DNM2: variants seen among roughly 807,000 people sequenced by gnomAD.
The protein encoded by DNM2 is dynamin-2.
In DNM2, 15 loss-of-function variants were observed where a neutral mutation model predicts 99.0. The ratio of observed to expected loss-of-function variants is 0.15; its 90% CI spans 0.10 to 0.23. The LOEUF (loss-of-function observed/expected upper bound fraction) is 0.23. Ranked by LOEUF, DNM2 falls within the 10% of genes least tolerant of loss-of-function variation. DNM2 has a pLI of 1.00. For synonymous variants in DNM2, 525 were observed against 481.2 expected (o/e 1.09, Z -1.19); for missense variants, 742 against 1,189.4 (o/e 0.62, Z 5.53).
At chr19:10,771,119 C>T (rs557913676) in intron 2 of DNM2, among the ~76,000 whole-genome samples, 12 of 152,214 alleles carry the variant, frequency 7.9e-5, no homozygotes, top group Non-Finnish European at 1.6e-4. Flanking sequence ...AGCATCACTA[C>T]AGTAGCTGTG....
intron 18 of DNM2, among the ~76,000 whole-genome samples, chr19:10,825,514 C>T (rs2146189887): frequency 6.6e-6 from 1 of 152,016 alleles, no homozygotes; most frequent in East Asian, 1.9e-4. Flanking sequence ...ACTAAATATA[C>T]AAAAATTAGC....
chr19:10,799,917 A>T (rs1325619260), intron 11 of DNM2, among the ~76,000 whole-genome samples: 3 of 151,704 alleles, frequency 2.0e-5, no homozygotes, highest in African/African-American at 7.3e-5. Context: ...CCCTCAGCTG[A>T]GACTGTCACC....
At chr19:10,814,007 CAAAAATTA>C (rs2072645754) in intron 15 of DNM2, among the ~76,000 whole-genome samples, 1 of 151,898 alleles carries the variant, frequency 6.6e-6, no homozygotes, top group Admixed American at 6.6e-5. Flanking sequence ...ACTAAAAATG[CAAAAATTA>C]GCCAGGTGTG....
chr19:10,780,095 G>GA (rs2071312840), intron 5 of DNM2, among the ~76,000 whole-genome samples: 1 of 152,134 alleles, frequency 6.6e-6, no homozygotes. Flanking sequence ...CGATGTCTGA[G>GA]ATAGATGTGG....
At chr19:10,759,479 C>A (rs966652510) in intron 1 of DNM2, among the ~76,000 whole-genome samples, 1 of 152,068 alleles carries the variant, frequency 6.6e-6, no homozygotes, top group Non-Finnish European at 1.5e-5. Context: ...AATGGGCCCC[C>A]TGGGAGTACG....
chr19:10,724,652 A>C (rs1342514851), intron 1 of DNM2, among the ~76,000 whole-genome samples: 1 of 152,096 alleles, frequency 6.6e-6, no homozygotes, highest in Non-Finnish European at 1.5e-5. Context: ...GGGAGATATT[A>C]GGGTGGGACC....
intron 1 of DNM2, among the ~76,000 whole-genome samples, chr19:10,728,125 G>A (rs1397384991): frequency 6.6e-6 from 1 of 152,154 alleles, no homozygotes; most frequent in Admixed American, 6.6e-5. Flanking sequence ...GGCGTCACCC[G>A]TAGCTTGAAC....
chr19:10,806,038 C>T (rs571918002), intron 13 of DNM2, 71 bp downstream of exon 13: 35 of 1,596,780 alleles, frequency 2.2e-5, no homozygotes, highest in Middle Eastern at 1.7e-4. Flanking sequence ...GCTAAGCCCC[C>T]GTGATGGAGC....
At chr19:10,801,160 G>T (rs2072125556) in intron 11 of DNM2, among the ~76,000 whole-genome samples, 1 of 152,066 alleles carries the variant, frequency 6.6e-6, no homozygotes, top group South Asian at 2.1e-4. Flanking sequence ...CAAAAAATTA[G>T]CCAGGTGGTG....
Position 10,795,823 on chromosome 19 carries a change from C to T in DNM2, c.1196+384C>T. 1 of 636,844 alleles carries T rather than the reference C, an allele frequency of 1.6e-6. No individual in the cohort carries two copies. Among genetic ancestry groups the T allele is most frequent in the East Asian group, 2.8e-5 (1 of 35,638 alleles). The allele number at this position is 636,844 out of a possible 1,614,324, so 39.4% of individuals were successfully genotyped here. A position where few individuals can be genotyped will look rare whatever the true frequency, so the allele number is the denominator to read the frequency against. On this transcript the variant is annotated intron_variant, in intron 9 of 20. Coordinates refer to ENST00000389253, the MANE Select transcript of DNM2 (RefSeq NM_001005361.3). This position sits in a 1 kb window ranked among gnomAD's most constrained non-coding sequence, Gnocchi z 4.2. ...TCCCCATCATGGCTTCCTCGTGAGC[C>T]TCTTGGGTCCCCTCCTTATTCTAAC... is the stretch of plus-strand genomic sequence containing the variant.
rs373530994 is a variant in DNM2 at position 10,831,072 on chromosome 19, G to A, written c.*25G>A. The A allele has an allele frequency of 6.3e-6, 10 of 1,583,216 alleles. No individual in the cohort carries two copies. The African/African-American group carries it at 9.4e-5, about 15-fold the overall frequency. The stretch of plus-strand genomic sequence containing the variant: ...GGCCTCGAGGGGGGCGTGCTCTCGG[G>A]GGGGCCTCACGCACCCGCGGCGCAG... On this transcript the variant is annotated 3_prime_UTR_variant, in exon 21 of 21. Transcript: ENST00000389253. The surrounding 1 kb of genome is among the most constrained non-coding windows in gnomAD (Gnocchi z 4.3).
chr19:10,740,537 G>A (rs923241219), intron 1 of DNM2, among the ~76,000 whole-genome samples: 1 of 152,032 alleles, frequency 6.6e-6, no homozygotes, highest in African/African-American at 2.4e-5. Flanking sequence ...CACCATGCCT[G>A]GCTAATTTTT....
At chr19:10,779,508 T>TTTTTTC (rs1238505850) in intron 5 of DNM2, among the ~76,000 whole-genome samples, 72 of 122,212 alleles carry the variant, frequency 5.9e-4, no homozygotes, top group African/African-American at 2.2e-3. Flanking sequence ...CTTTCTTTTT[T>TTTTTTC]TTTTTTTTTT....
rs565246701 is a variant in DNM2 at position 10,817,608 on chromosome 19, G to T, written c.1672-2372G>T. 1 of 329,868 alleles carries T rather than the reference G, an allele frequency of 3.0e-6. No homozygotes were observed. The allele number at this position is 329,868 out of a possible 1,614,324, so 20.4% of individuals were successfully genotyped here. On this transcript the variant is annotated intron_variant, in intron 15 of 20. Coordinates refer to ENST00000389253, the MANE Select transcript of DNM2 (RefSeq NM_001005361.3). This position sits in a 1 kb window ranked among gnomAD's most constrained non-coding sequence, Gnocchi z 4.6. ...AGGAAACCACCACTCTTCCCGAGAC[G>T]ATCCGCTCTGTCCCTTCTGACGTGG...
chr19:10,729,951 A>G (rs1451889365), intron 1 of DNM2, among the ~76,000 whole-genome samples: 1 of 151,334 alleles, frequency 6.6e-6, no homozygotes, highest in African/African-American at 2.4e-5. Context: ...CAGCCTTGAC[A>G]TCCTGTGCTC....
intron 1 of DNM2, among the ~76,000 whole-genome samples, chr19:10,738,907 G>A (rs994019315): frequency 4.1e-5 from 6 of 145,848 alleles, no homozygotes; most frequent in South Asian, 2.2e-4. Flanking sequence ...AGTGACTCAC[G>A]CCTGTAATCC....
chr19:10,799,062 C>T (rs1233220882), intron 11 of DNM2, among the ~76,000 whole-genome samples: 1 of 152,128 alleles, frequency 6.6e-6, no homozygotes, highest in Non-Finnish European at 1.5e-5. Context: ...CTTGTCTCTA[C>T]GAAAACATAA....
rs575442531 is a variant in DNM2, at chr19:10,772,679, G to A, written c.385+51G>A. On this transcript the variant is annotated intron_variant, in intron 3 of 20. Transcript: ENST00000389253. This position sits in a 1 kb window ranked among gnomAD's most constrained non-coding sequence, Gnocchi z 4.9. Reference sequence around the variant, plus strand: ...CACTGACCGTTTCTGGTCGTTCATGGACAGTGCTATGGGTGAGCCTGTGTA... The same window carrying A: ...CACTGACCGTTTCTGGTCGTTCATGAACAGTGCTATGGGTGAGCCTGTGTA... 1 of 1,611,994 alleles carries A rather than the reference G, an allele frequency of 6.2e-7. No individual in the cohort carries two copies. The highest frequency in any genetic ancestry group is 2.2e-5 in the East Asian group (1 of 44,836).
intron 11 of DNM2, among the ~76,000 whole-genome samples, chr19:10,800,323 G>A (rs2072091703): frequency 6.7e-6 from 1 of 148,790 alleles, no homozygotes; most frequent in South Asian, 2.1e-4. Flanking sequence ...CTGCAGGGAG[G>A]CGCCCAGTTT....
Sources: allele counts gnomAD v4.1 joint callset (sites outside exome capture counted in the v4.1 genomes callset), GRCh38; gene constraint gnomAD v4.1.1; non-coding constraint Gnocchi (gnomAD v3.1); transcripts MANE v1.5; gene names NCBI Gene and HGNC (gene_info 2026-07-23, HGNC 2026-07-21).